Variants in OVCH1 observed in about 807,000 individuals in gnomAD.
The protein encoded by OVCH1 is ovochymase 1.
A neutral mutation model predicts 138.4 loss-of-function variants in OVCH1; 139 were observed. That is an observed-to-expected ratio of 1.00 (90% CI 0.87 to 1.16). OVCH1 has a LOEUF of 1.16. OVCH1 is among the 50% of genes most tolerant of loss of function. OVCH1 has a pLI of 0.00. For synonymous variants in OVCH1, 453 were observed against 467.8 expected (o/e 0.97, Z 0.41); for missense variants, 1,367 against 1,357.9 (o/e 1.01, Z -0.11).
intron 3 of OVCH1, among the ~76,000 whole-genome samples, 187 bp from the exon 4 acceptor site, chr12:29,495,644 T>G (rs1054226011): frequency 6.6e-6 from 1 of 152,222 alleles, no homozygotes; most frequent in African/African-American, 2.4e-5. Flanking sequence ...ATCGTAGTTT[T>G]CAGTCATGTT....
At chr12:29,460,401 T>C (rs1002289990) in intron 19 of OVCH1, among the ~76,000 whole-genome samples, 1 of 152,158 alleles carries the variant, frequency 6.6e-6, no homozygotes, top group African/African-American at 2.4e-5. Flanking sequence ...TTTGTGATTT[T>C]TATCAGATAA....
At chr12:29,451,525 G>T (rs1565579638) in exon 22 of OVCH1, 2 of 1,612,862 alleles carry the variant, frequency 1.2e-6, no homozygotes, top group Non-Finnish European at 8.5e-7. Flanking sequence ...CGTGGTGTGG[G>T]AAAAAAGCCT....
chr12:29,475,292 CT>C, intron 13 of OVCH1, 103 bp from the exon 14 acceptor site: 1 of 973,802 alleles, frequency 1.0e-6, no homozygotes, highest in Non-Finnish European at 1.4e-6. Flanking sequence ...CTTTAGTTTT[CT>C]CCAACTTTGA....
intron 8 of OVCH1, among the ~76,000 whole-genome samples, chr12:29,482,355 G>A (rs1000112246): frequency 6.6e-6 from 1 of 151,760 alleles, no homozygotes; most frequent in African/African-American, 2.4e-5. Flanking sequence ...TTTTTTTCAA[G>A]TATCATCTTT....
intron 27 of OVCH1, among the ~76,000 whole-genome samples, chr12:29,430,072 T>A (rs980840872): frequency 6.6e-6 from 1 of 152,218 alleles, no homozygotes. Flanking sequence ...ATACATGATC[T>A]TATTTAGGTT....
rs149123597 is a variant in OVCH1 at position 29,477,496 on chromosome 12, A to G, written c.1114-23T>C. ...GACCTTACCTTAAAAGAAGAGAAGG[A>G]AAGTGAAATAACATTACTAAAAAGT... On this transcript the variant is annotated intron_variant, in intron 10 of 27. Transcript: ENST00000318184. 13 of 1,613,972 alleles carry G rather than the reference A, an allele frequency of 8.1e-6. No homozygotes were observed. In the African/African-American group the frequency reaches 1.2e-4, roughly 15 times the overall value.
chr12:29,475,239 C>A, intron 13 of OVCH1, 50 bp from the exon 14 acceptor site: 1 of 1,321,580 alleles, frequency 7.6e-7, no homozygotes, highest in South Asian at 1.7e-5. Context: ...TTTAAAAAAT[C>A]AGAACACACA....
chr12:29,475,884 T>C (rs1942690861), intron 13 of OVCH1, among the ~76,000 whole-genome samples: 2 of 152,186 alleles, frequency 1.3e-5, no homozygotes, highest in African/African-American at 4.8e-5. Flanking sequence ...TACCAAAATA[T>C]CAGCAACAGA....
chr12:29,474,101 A>C (rs1220064599), intron 14 of OVCH1, among the ~76,000 whole-genome samples: 2 of 150,580 alleles, frequency 1.3e-5, no homozygotes, highest in Non-Finnish European at 3.0e-5. Flanking sequence ...ACACACACAC[A>C]CACATATATA....
exon 16 of OVCH1, chr12:29,471,979 A>G: frequency 6.2e-7 from 1 of 1,609,008 alleles, no homozygotes; most frequent in Non-Finnish European, 8.5e-7. Context: ...GATGCCACAG[A>G]CATCTACAGT....
At chr12:29,413,498 A>G (rs367702976) in intron 3 of OVCH1, among the ~76,000 whole-genome samples, 5 of 152,334 alleles carry the variant, frequency 3.3e-5, no homozygotes, top group African/African-American at 9.6e-5. Context: ...AAACTTTTCA[A>G]GTATTTTTAT....
intron 16 of OVCH1, 34 bp downstream of exon 16, chr12:29,471,768 C>T (rs767915203): frequency 4.5e-6 from 7 of 1,571,714 alleles, no homozygotes; most frequent in Middle Eastern, 1.7e-4. Flanking sequence ...AATGCATGTG[C>T]TAAATAGGTT....
intron 7 of OVCH1, chr12:29,486,865 C>T (rs1466699535): frequency 4.4e-6 from 2 of 454,348 alleles, no homozygotes; most frequent in Admixed American, 2.4e-5. Context: ...GCTTTTAAAC[C>T]TTGTCAACTT....
At chr12:29,406,813 A>T in the OVCH1 span, among the ~76,000 whole-genome samples, 1 of 141,102 alleles carries the variant, frequency 7.1e-6, no homozygotes, top group African/African-American at 2.7e-5. Flanking sequence ...TCCTTTGGGT[A>T]TATACCCAGT....
intron 8 of OVCH1, among the ~76,000 whole-genome samples, chr12:29,479,927 G>A (rs571623153): frequency 4.0e-5 from 6 of 150,298 alleles, no homozygotes; most frequent in African/African-American, 9.8e-5. Flanking sequence ...AGGTTCAAGC[G>A]ATTCTTCTGC....
intron 8 of OVCH1, among the ~76,000 whole-genome samples, chr12:29,480,435 C>T (rs898332680): frequency 3.3e-5 from 5 of 152,260 alleles, no homozygotes; most frequent in South Asian, 2.1e-4. Flanking sequence ...TAATTATTTT[C>T]GTCCTCAAAA....
At chr12:29,417,854 G>A (rs1468183407) in intron 3 of OVCH1, among the ~76,000 whole-genome samples, 2 of 151,956 alleles carry the variant, frequency 1.3e-5, no homozygotes, top group Non-Finnish European at 2.9e-5. Flanking sequence ...AGATTAAGAA[G>A]CACTGTTCTA....
intron 3 of OVCH1, 89 bp from the exon 4 acceptor site, chr12:29,495,546 G>C: frequency 8.7e-7 from 1 of 1,151,844 alleles, no homozygotes; most frequent in South Asian, 1.5e-5. Flanking sequence ...AGTGATTAAT[G>C]TATCTTTAAG....
chr12:29,489,665 G>A lies in OVCH1; in HGVS notation c.657C>T (p.Thr219=), dbSNP rs184506580. The change falls in exon 6 of 28, where the codon ACC becomes ACT. Residue 219 remains threonine, a synonymous_variant. Coordinates refer to ENST00000318184, the Ensembl canonical transcript of OVCH1. ...AATCAGGGAAGCCAGCACACAGCAT[G>A]GTCCTTCCCAGGGGAGGGAGGTTCA... The A allele has an allele frequency of 3.1e-6, 5 of 1,609,130 alleles. No individual in the cohort carries two copies. In the African/African-American group the frequency reaches 5.3e-5, roughly 17 times the overall value.
Sources: allele counts gnomAD v4.1 joint callset (sites outside exome capture counted in the v4.1 genomes callset), GRCh38; gene constraint gnomAD v4.1.1; transcripts MANE v1.5; gene names NCBI Gene and HGNC (gene_info 2026-07-23, HGNC 2026-07-21).